TCEANC: variants seen among roughly 807,000 people sequenced by gnomAD.
TCEANC encodes the protein transcription elongation factor A N-terminal and central domain-containing protein.
Under a neutral mutation model 8.7 loss-of-function variants are expected in TCEANC, and 8 were observed. That is an observed-to-expected ratio of 0.92 (90% CI 0.54 to 1.65). TCEANC has a LOEUF of 1.65. Ranked by LOEUF, TCEANC falls within the 40% of genes most tolerant of loss-of-function variation. The pLI, the probability that TCEANC is intolerant of heterozygous loss-of-function variation, is 0.00. For synonymous variants in TCEANC, 78 were observed against 92.9 expected (o/e 0.84, Z 0.92); for missense variants, 255 against 251.9 (o/e 1.01, Z -0.08).
At chrX:13,654,973 A>G (rs960546625), upstream of TCEANC, among the ~76,000 whole-genome samples, 3 of 110,977 alleles carry the variant, frequency 2.7e-5, no homozygotes, top group Middle Eastern at 4.2e-3. Flanking sequence ...CTTAGGTGCA[A>G]TGAGTACAAG....
chrX:13,656,029 A>T (rs1030003805), intron 1 of TCEANC, among the ~76,000 whole-genome samples: 2 of 112,715 alleles, frequency 1.8e-5, no homozygotes, highest in Admixed American at 9.4e-5. Context: ...CTAGAGGATG[A>T]TCCCTCTAAC....
chrX:13,661,069 C>T lies in TCEANC; in HGVS notation c.-8-1432C>T, dbSNP rs777169116. ...CCATGTTAGCCAGGATGGTCTCGATCTCCTGACCTCGTGATCTGCCTGCCT... is the reference window on the plus strand; with the variant it reads ...CCATGTTAGCCAGGATGGTCTCGATTTCCTGACCTCGTGATCTGCCTGCCT... On this transcript the variant is annotated intron_variant, in intron 1 of 1. Coordinates refer to ENST00000380600, the Ensembl canonical transcript of TCEANC. Among the ~76,000 whole-genome samples the T allele has an allele frequency of 7.2e-5, 8 of 111,822 alleles. No individual in the cohort carries two copies. In the South Asian group the frequency reaches 3.0e-3, roughly 42 times the overall value.
At chrX:13,658,573 G>GAT in intron 1 of TCEANC, among the ~76,000 whole-genome samples, 1 of 110,309 alleles carries the variant, frequency 9.1e-6, no homozygotes, top group South Asian at 3.8e-4. Context: ...ATACATTTAA[G>GAT]ATACTGAAAA....
chrX:13,664,422 A>G (rs2045998091), exon 2 of TCEANC: 1 of 123,256 alleles, frequency 8.1e-6, no homozygotes, highest in African/African-American at 3.3e-5. Context: ...CTCTTTTCTC[A>G]TTTATAGGTC....
rs371924433 is a variant in TCEANC at position 13,658,277 on chromosome X, T to C, written c.-9+2904T>C. ...ATGGGTTACACAACTGTGAATATAC[T>C]AAAAGCCACTGAATTATACACTTTA... On this transcript the variant is annotated intron_variant, in intron 1 of 1. Coordinates refer to ENST00000380600, the Ensembl canonical transcript of TCEANC. 2.2e-4 allele frequency among the ~76,000 whole-genome samples: 25 copies of C among 112,066 alleles called. No homozygotes were observed. In the East Asian group the frequency reaches 6.4e-3, roughly 29 times the overall value.
intron 1 of TCEANC, among the ~76,000 whole-genome samples, chrX:13,656,999 G>A (rs181683775): frequency 9.6e-4 from 107 of 112,013 alleles, no homozygotes; most frequent in Non-Finnish European, 1.8e-3. Flanking sequence ...AGTTTGGGAG[G>A]ATGAAAAGAG....
At chrX:13,655,508 T>G (rs907465399) in intron 1 of TCEANC, 135 bp downstream of exon 2, 1 of 112,711 alleles carries the variant, frequency 8.9e-6, no homozygotes, top group Non-Finnish European at 1.9e-5. Flanking sequence ...TCTGACTGAA[T>G]GGGACTCATC....
At chrX:13,661,197 C>T (rs1281887689) in intron 1 of TCEANC, among the ~76,000 whole-genome samples, 75 bp downstream of exon 4, 3 of 111,735 alleles carry the variant, frequency 2.7e-5, no homozygotes, top group Non-Finnish European at 3.8e-5. Context: ...TGTTTTTCAC[C>T]TAACTTTATG....
In TCEANC at chrX:13,662,486, CT is replaced by C. The variant is rs754635421; in HGVS notation, c.-8-9del. 1.7e-6 allele frequency: 2 copies of C among 1,175,306 alleles called. No individual in the cohort carries two copies. The highest frequency in any genetic ancestry group is 1.1e-6 in the Non-Finnish European group (1 of 879,679). ...GGCAAACTTAAGAAAACTGAAACCT[CT>C]TTTTTCTTTGCAGCTGTAAAGATGT... On this transcript the variant is annotated splice_polypyrimidine_tract_variant and intron_variant, in intron 1 of 1. Transcript: ENST00000380600.
chrX:13,658,156 G>A (rs1411951084), intron 1 of TCEANC, among the ~76,000 whole-genome samples: 1 of 112,155 alleles, frequency 8.9e-6, no homozygotes, highest in African/African-American at 3.2e-5. Flanking sequence ...CAGAAGGGCA[G>A]TGGAGTGAAG....
chrX:13,658,515 T>G lies in TCEANC; in HGVS notation c.-9+3142T>G, dbSNP rs137939166. 1.9e-3 allele frequency among the ~76,000 whole-genome samples: 215 copies of G among 111,662 alleles called. 1 individual carries two copies. The highest frequency in any genetic ancestry group is 6.8e-3 in the African/African-American group (207 of 30,628). ...TTTCTGTGATGAGCATGCATTGTTT[T>G]CATAATCAGAAAAGTTATTGGTCTA... On this transcript the variant is annotated intron_variant, in intron 1 of 1. Transcript: ENST00000380600.
intron 1 of TCEANC, among the ~76,000 whole-genome samples, chrX:13,657,296 G>A (rs1184202219): frequency 8.9e-6 from 1 of 111,895 alleles, no homozygotes; most frequent in African/African-American, 3.3e-5. Context: ...GAAACTGGAA[G>A]GCCCCAAATA....
intron 1 of TCEANC, among the ~76,000 whole-genome samples, chrX:13,656,128 C>T (rs750734512): frequency 1.2e-4 from 14 of 112,135 alleles, no homozygotes; most frequent in African/African-American, 4.5e-4. Flanking sequence ...CAGATGATGG[C>T]GAGCCCAGAT....
chrX:13,663,037 T>C (rs754555580), exon 2 of TCEANC: 13 of 1,211,052 alleles, frequency 1.1e-5, no homozygotes, highest in Middle Eastern at 2.3e-4. Context: ...GAGAACTAAA[T>C]GCATAGAGCT....
intron 1 of TCEANC, among the ~76,000 whole-genome samples, chrX:13,657,608 G>T (rs889221811): frequency 1.8e-5 from 2 of 111,164 alleles, no homozygotes; most frequent in African/African-American, 6.6e-5. Context: ...AGGAGTTCGA[G>T]ACCAGGCTGG....
chrX:13,657,897 A>G (rs1319407878), intron 1 of TCEANC, among the ~76,000 whole-genome samples: 1 of 111,899 alleles, frequency 8.9e-6, no homozygotes, highest in African/African-American at 3.3e-5. Flanking sequence ...GAAATAATCA[A>G]AATGTCCATC....
At chrX:13,659,135 G>A (rs1437624844) in intron 1 of TCEANC, among the ~76,000 whole-genome samples, 2 of 112,257 alleles carry the variant, frequency 1.8e-5, no homozygotes, top group Non-Finnish European at 3.8e-5. Flanking sequence ...TTGAAGTCAC[G>A]CAGTTGTGTC....
chrX:13,662,134 T>A (rs1223273984), intron 1 of TCEANC, among the ~76,000 whole-genome samples: 1 of 111,898 alleles, frequency 8.9e-6, no homozygotes, highest in East Asian at 2.8e-4. Context: ...ACCGGCATGA[T>A]TTCACCTCCA....
intron 1 of TCEANC, among the ~76,000 whole-genome samples, chrX:13,658,019 G>A (rs1008971385): frequency 3.6e-5 from 4 of 112,070 alleles, no homozygotes; most frequent in African/African-American, 6.5e-5. Flanking sequence ...CCTTGAAAAC[G>A]TTATGCTGAA....
Sources: allele counts gnomAD v4.1 joint callset (sites outside exome capture counted in the v4.1 genomes callset), GRCh38; gene constraint gnomAD v4.1.1; transcripts MANE v1.5; gene names NCBI Gene and HGNC (gene_info 2026-07-23, HGNC 2026-07-21).